The following CARMIL1 variants were observed in gnomAD, a reference collection of about 807,000 sequenced individuals.
CARMIL1 encodes capping protein regulator and myosin 1 linker 1, also known as F-actin-uncapping protein LRRC16A.
Under a neutral mutation model 177.1 loss-of-function variants are expected in CARMIL1, and 90 were observed. The ratio of observed to expected loss-of-function variants is 0.51; its 90% CI spans 0.43 to 0.61. The LOEUF (loss-of-function observed/expected upper bound fraction) is 0.61, where lower values mean the gene tolerates loss of function less well. Among genes scored for constraint, CARMIL1 ranks in the 20% least tolerant of loss-of-function variants. The probability of loss-of-function intolerance (pLI) is 0.00; values close to 1 mark genes in which losing one functional copy is unlikely to be tolerated. For missense variants in CARMIL1, 1,380 were observed against 1,667.0 expected, an observed-to-expected ratio of 0.83 and a Z score of 3.00; for synonymous variants, 577 against 606.2, an observed-to-expected ratio of 0.95 and a Z score of 0.71.
At chr6:25,465,841 A>G (rs529073930) in intron 8 of CARMIL1, 32 bp from the exon 9 acceptor site, 1 of 1,307,428 alleles carries the variant, frequency 7.6e-7, no homozygotes, top group Non-Finnish European at 1.1e-6. Context: ...CTGTAGGAGC[A>G]CTTTCATGTA....
chr6:25,413,462 C>G (rs1795094369), intron 2 of CARMIL1, among the ~76,000 whole-genome samples: 1 of 152,156 alleles, frequency 6.6e-6, no homozygotes, highest in South Asian at 2.1e-4. Context: ...ATTTCAGTTT[C>G]TAATAAGTGT....
intron 2 of CARMIL1, among the ~76,000 whole-genome samples, chr6:25,397,633 G>T (rs1470829376): frequency 1.3e-5 from 2 of 152,162 alleles, no homozygotes; most frequent in Non-Finnish European, 2.9e-5. Context: ...ACACATGAGG[G>T]TTTTCAGTCA....
chr6:25,529,867 TTAAA>T (rs1807575170), intron 24 of CARMIL1, among the ~76,000 whole-genome samples: 2 of 149,976 alleles, frequency 1.3e-5, no homozygotes, highest in South Asian at 4.2e-4. Flanking sequence ...TAGTACAGAA[TTAAA>T]TAAACTGATG....
rs778446914 is a variant in CARMIL1 at position 25,606,047 on chromosome 6, C to G, written c.3635-14C>G. 1 of 1,593,600 alleles carries G rather than the reference C, an allele frequency of 6.3e-7. No homozygotes were observed. The highest frequency in any genetic ancestry group is 8.5e-7 in the Non-Finnish European group (1 of 1,169,688). On this transcript the variant is annotated splice_polypyrimidine_tract_variant and intron_variant, in intron 34 of 36. Coordinates refer to ENST00000329474, the MANE Select transcript of CARMIL1 (RefSeq NM_017640.6). ...TTTGACCTTTGATTTTTAAAGTGGC[C>G]TTTTTCATCTTAGTGCCTAAACTGC...
intron 29 of CARMIL1, among the ~76,000 whole-genome samples, chr6:25,568,477 TA>T (rs371104631): frequency 6.6e-6 from 1 of 152,262 alleles, no homozygotes; most frequent in African/African-American, 2.4e-5. Context: ...GTTTTGGATC[TA>T]ACATTTGATT....
At chr6:25,322,418 C>T (rs1015566376) in intron 2 of CARMIL1, among the ~76,000 whole-genome samples, 5 of 152,246 alleles carry the variant, frequency 3.3e-5, no homozygotes, top group Admixed American at 2.6e-4. Flanking sequence ...ACACTATGCC[C>T]AGCCTTCACT....
chr6:25,555,267 A>G (rs745611348), intron 28 of CARMIL1, among the ~76,000 whole-genome samples: 3 of 152,238 alleles, frequency 2.0e-5, no homozygotes, highest in Non-Finnish European at 4.4e-5. Context: ...GTTTATCACC[A>G]CATTGAATGT....
chr6:25,465,784 G>T (rs1239458262), intron 8 of CARMIL1, 89 bp from the exon 9 acceptor site: 1 of 787,442 alleles, frequency 1.3e-6, no homozygotes, highest in Non-Finnish European at 2.2e-6. Flanking sequence ...GAAATTAACA[G>T]GTGAACTTGG....
At chr6:25,385,479 G>A (rs902453304) in intron 2 of CARMIL1, among the ~76,000 whole-genome samples, 2 of 152,168 alleles carry the variant, frequency 1.3e-5, no homozygotes, top group African/African-American at 2.4e-5. Flanking sequence ...CTAATGATTC[G>A]TTCATGCATT....
Position 25,488,546 on chromosome 6 carries a change from C to G in CARMIL1, c.1026C>G (p.Leu342=), listed in dbSNP as rs754994928. 1.2e-6 allele frequency: 2 copies of G among 1,613,878 alleles called. No homozygotes were observed. Among genetic ancestry groups the G allele is most frequent in the Non-Finnish European group, 1.7e-6 (2 of 1,179,864 alleles). Residue 342 remains leucine, a synonymous_variant, in exon 13 of 37, where the codon CTC becomes CTG. Transcript: ENST00000329474. ...TGACCGCCTCTACCCTTGTCCACCT[C>G]GACCTCTCAGGGAACGTCCTTCGTG... is the stretch of plus-strand genomic sequence containing the variant. The part of the protein sequence containing the change: ...NPLTASTLVH[L]DLSGNVLRGD...
chr6:25,356,150 C>T (rs980408145), intron 2 of CARMIL1, among the ~76,000 whole-genome samples: 9 of 151,876 alleles, frequency 5.9e-5, no homozygotes, highest in Non-Finnish European at 8.8e-5. Flanking sequence ...CTCCGCTTCC[C>T]GGGTTCACGC....
chr6:25,440,323 G>T (rs887591794), intron 5 of CARMIL1, among the ~76,000 whole-genome samples: 2 of 152,224 alleles, frequency 1.3e-5, no homozygotes, highest in Non-Finnish European at 2.9e-5. Flanking sequence ...ATTCAGAGGA[G>T]AGAGTAGTGA....
rs546526933 is a variant in CARMIL1, at chr6:25,468,213, T to A, written c.690+2265T>A. The stretch of plus-strand genomic sequence containing the variant: ...AGTCAAGGATTTTTAAAAAAAAAAA[T>A]GGTACCGAATATGCAATTAGGACCA... On this transcript the variant is annotated intron_variant, in intron 9 of 36. Transcript: ENST00000329474. Among the ~76,000 whole-genome samples the A allele has an allele frequency of 3.3e-5, 5 of 149,426 alleles. No individual in the cohort carries two copies. In the East Asian group the frequency reaches 5.9e-4, roughly 18 times the overall value.
intron 29 of CARMIL1, among the ~76,000 whole-genome samples, chr6:25,562,243 T>G (rs1451712723): frequency 1.3e-5 from 2 of 151,772 alleles, no homozygotes; most frequent in East Asian, 1.9e-4. Flanking sequence ...CTGACCCAGA[T>G]ATCTTTTTTT....
chr6:25,536,345 C>T (rs1273197146), intron 24 of CARMIL1, among the ~76,000 whole-genome samples: 2 of 152,072 alleles, frequency 1.3e-5, no homozygotes, highest in Non-Finnish European at 2.9e-5. Context: ...GATATGATTC[C>T]TGCCTACAAT....
intron 1 of CARMIL1, among the ~76,000 whole-genome samples, chr6:25,280,135 T>C (rs1780956248): frequency 6.6e-6 from 1 of 152,122 alleles, no homozygotes; most frequent in Admixed American, 6.5e-5. Context: ...GGGATCCAGG[T>C]TGGCGAAAGA....
At chr6:25,390,350 C>G (rs568551023) in intron 2 of CARMIL1, among the ~76,000 whole-genome samples, 205 of 113,010 alleles carry the variant, frequency 1.8e-3, no homozygotes, top group Non-Finnish European at 2.9e-3. Context: ...GAGACAGGGT[C>G]TCAGTCTGTC....
chr6:25,350,195 T>G (rs1787977076), intron 2 of CARMIL1, among the ~76,000 whole-genome samples: 1 of 152,196 alleles, frequency 6.6e-6, no homozygotes, highest in Non-Finnish European at 1.5e-5. Context: ...TGAAAGAGGA[T>G]GCAGTATTAA....
chr6:25,390,156 T>G (rs901418481), intron 2 of CARMIL1, among the ~76,000 whole-genome samples: 4 of 151,928 alleles, frequency 2.6e-5, no homozygotes, highest in South Asian at 2.1e-4. Flanking sequence ...CTATAATGAT[T>G]GATTTTGCTA....
Sources: gnomAD v4.1 joint callset for allele counts (sites outside exome capture counted in the v4.1 genomes callset) on GRCh38, gnomAD v4.1.1 for gene constraint, MANE v1.5 for transcripts, NCBI Gene and HGNC (gene_info 2026-07-23, HGNC 2026-07-21) for gene names.